KCNG2: variants seen among roughly 807,000 people sequenced by gnomAD.
KCNG2 encodes potassium voltage-gated channel modifier subfamily G member 2.
A neutral mutation model predicts 12.3 loss-of-function variants in KCNG2; 7 were observed. The ratio of observed to expected loss-of-function variants is 0.57; its 90% CI spans 0.32 to 1.07. KCNG2 has a LOEUF of 1.07. Among genes scored for constraint, KCNG2 ranks in the 50% least tolerant of loss-of-function variants. The pLI is 0.04. For missense variants in KCNG2, 703 were observed against 726.0 expected (o/e 0.97, Z 0.36); for synonymous variants, 414 against 351.4 (o/e 1.18, Z -1.99).
chr18:79,827,984 C>A (rs187243308), intron 1 of KCNG2, among the ~76,000 whole-genome samples: 1 of 145,154 alleles, frequency 6.9e-6, no homozygotes, highest in African/African-American at 2.5e-5. Context: ...AGTGCAGTGG[C>A]GTTGTCAAGG....
At chr18:79,836,219 T>C (rs570202796) in intron 1 of KCNG2, among the ~76,000 whole-genome samples, 71 of 152,312 alleles carry the variant, frequency 4.7e-4, no homozygotes, top group African/African-American at 1.5e-3. Flanking sequence ...AAAAGAACGT[T>C]GTTGTGGCTA....
chr18:79,862,004 T>C (rs560531964), intron 2 of KCNG2, among the ~76,000 whole-genome samples: 1 of 152,334 alleles, frequency 6.6e-6, no homozygotes, highest in East Asian at 1.9e-4. Context: ...TTCTGTCTCT[T>C]TATTGATATT....
At chr18:79,867,793 G>A (rs543180854) in intron 3 of KCNG2, among the ~76,000 whole-genome samples, 130 of 152,146 alleles carry the variant, frequency 8.5e-4, no homozygotes, top group African/African-American at 2.8e-3. Flanking sequence ...CCCTCCCCTC[G>A]GCACCGGCCT....
At chr18:79,865,185 G>T (rs1025750788) in intron 3 of KCNG2, among the ~76,000 whole-genome samples, 2 of 147,602 alleles carry the variant, frequency 1.4e-5, no homozygotes. Context: ...TGAGAGGTCT[G>T]GGTGCTGAGA....
intron 1 of KCNG2, among the ~76,000 whole-genome samples, chr18:79,811,475 G>GTA (rs895615715): frequency 2.6e-5 from 4 of 152,198 alleles, no homozygotes; most frequent in African/African-American, 9.6e-5. Context: ...AATGGAGAAA[G>GTA]AATAGTCTCT....
At chr18:79,839,490 GA>G (rs1421287850) in intron 1 of KCNG2, among the ~76,000 whole-genome samples, 1 of 152,136 alleles carries the variant, frequency 6.6e-6, no homozygotes, top group Admixed American at 6.5e-5. Flanking sequence ...CGATTCCTTG[GA>G]AAATACACAC....
intron 1 of KCNG2, among the ~76,000 whole-genome samples, chr18:79,807,965 G>C (rs374298316): frequency 2.1e-5 from 1 of 47,866 alleles, no homozygotes; most frequent in Non-Finnish European, 3.9e-5. Context: ...TGCCGGGGCC[G>C]CGCTGACCAC....
chr18:79,900,063 T>C lies in KCNG2; in HGVS notation c.*247T>C. On this transcript the variant is annotated 3_prime_UTR_variant, in exon 4 of 4. Transcript: ENST00000316249. ...CCCTTTCCTTGGATTTTTAATTTTC[T>C]ACGCCTAGCTAAAAATAAATTTAGT... 1 of 359,012 alleles carries C rather than the reference T, an allele frequency of 2.8e-6. No homozygotes were observed. Among genetic ancestry groups the C allele is most frequent in the Non-Finnish European group, 5.0e-6 (1 of 201,432 alleles). 22.2% of individuals were successfully genotyped at this position (359,012 alleles called of 1,614,324 possible).
intron 1 of KCNG2, among the ~76,000 whole-genome samples, chr18:79,856,023 T>TC (rs1436215720): frequency 6.6e-6 from 1 of 152,246 alleles, no homozygotes; most frequent in Non-Finnish European, 1.5e-5. Context: ...TCCAGAGCTT[T>TC]CAGAAGTAAC....
intron 3 of KCNG2, among the ~76,000 whole-genome samples, chr18:79,881,061 G>C (rs1368436347): frequency 2.0e-5 from 3 of 152,214 alleles, no homozygotes; most frequent in Non-Finnish European, 4.4e-5. Context: ...AAGGATGCCT[G>C]CTCCCCACTC....
intron 3 of KCNG2, among the ~76,000 whole-genome samples, chr18:79,872,287 T>TTTTTTTTG (rs1555695118): frequency 0.024 from 2,709 of 113,482 alleles, 141 homozygotes; most frequent in South Asian, 0.061. Flanking sequence ...TCAGTTTTTT[T>TTTTTTTTG]TTTTTTTTTT....
chr18:79,863,540 G>A (rs1979304234), intron 2 of KCNG2, 88 bp from the exon 3 acceptor site: 1 of 1,050,566 alleles, frequency 9.5e-7, no homozygotes, highest in East Asian at 4.5e-5. Context: ...CGAGGGTTCG[G>A]TGCCGGCCCG....
chr18:79,841,881 C>T (rs925029208), intron 1 of KCNG2, among the ~76,000 whole-genome samples: 1 of 152,174 alleles, frequency 6.6e-6, no homozygotes, highest in Non-Finnish European at 1.5e-5. Flanking sequence ...GAGAGTTTCA[C>T]ATTAACTCAT....
chr18:79,806,199 G>A lies in KCNG2; in HGVS notation c.-115+8185G>A, dbSNP rs535429466. 2.0e-5 allele frequency among the ~76,000 whole-genome samples: 3 copies of A among 152,362 alleles called. No homozygotes were observed. In the South Asian group the frequency reaches 6.2e-4, roughly 32 times the overall value. On this transcript the variant is annotated intron_variant, in intron 1 of 3. Transcript: ENST00000316249. ...TCCAGCCCACGAAGCTCACATGGAA[G>A]CCACTGTGTGGTCTCAGGCAAGGCC...
At chr18:79,810,535 G>T (rs760111619) in intron 1 of KCNG2, among the ~76,000 whole-genome samples, 1 of 152,214 alleles carries the variant, frequency 6.6e-6, no homozygotes, top group Admixed American at 6.5e-5. Context: ...CACTGTGGGA[G>T]GCTAAGGTGG....
At chr18:79,802,627 CCT>C (rs1463097035) in intron 1 of KCNG2, among the ~76,000 whole-genome samples, 5 of 152,226 alleles carry the variant, frequency 3.3e-5, no homozygotes, top group Non-Finnish European at 4.4e-5. Flanking sequence ...GGCACTGACC[CCT>C]GTGTGCACAC....
At chr18:79,881,767 A>G (rs1249210960) in intron 3 of KCNG2, among the ~76,000 whole-genome samples, 1 of 152,226 alleles carries the variant, frequency 6.6e-6, no homozygotes, top group Non-Finnish European at 1.5e-5. Flanking sequence ...CTTTATGGAA[A>G]GGCCTAGGAA....
In KCNG2 at chr18:79,822,970, G is replaced by A. The variant is rs900160482; in HGVS notation, c.-115+24956G>A. Among the ~76,000 whole-genome samples, 4 of 152,188 alleles carry A rather than the reference G, an allele frequency of 2.6e-5. No individual in the cohort carries two copies. The highest frequency in any genetic ancestry group is 9.7e-5 in the African/African-American group (4 of 41,436). On this transcript the variant is annotated intron_variant, in intron 1 of 3. Coordinates refer to ENST00000316249, the MANE Select transcript of KCNG2 (RefSeq NM_012283.2). This position sits in a 1 kb window ranked among gnomAD's most constrained non-coding sequence, Gnocchi z 4.4. ...GTGAAGAGCGTGTGGAGCACCCCAA[G>A]GCTTTAGGAGTCACTGCCTCTGGAA...
At chr18:79,897,760 C>T (rs901063269) in intron 3 of KCNG2, among the ~76,000 whole-genome samples, 1 of 151,536 alleles carries the variant, frequency 6.6e-6, no homozygotes, top group African/African-American at 2.4e-5. Flanking sequence ...GACTGGCTGG[C>T]TTACTGTTGT....
Sources: allele counts gnomAD v4.1 joint callset (sites outside exome capture counted in the v4.1 genomes callset), GRCh38; gene constraint gnomAD v4.1.1; non-coding constraint Gnocchi (gnomAD v3.1); transcripts MANE v1.5; gene names NCBI Gene and HGNC (gene_info 2026-07-23, HGNC 2026-07-21).